The following CDK8 variants were observed in gnomAD, a reference collection of about 807,000 sequenced individuals.
CDK8 encodes cyclin-dependent kinase 8.
A neutral mutation model predicts 71.5 loss-of-function variants in CDK8; 29 were observed. That is an observed-to-expected ratio of 0.41 (90% CI 0.30 to 0.55). The LOEUF (loss-of-function observed/expected upper bound fraction) is 0.55. Among genes scored for constraint, CDK8 ranks in the 20% least tolerant of loss-of-function variants. CDK8 has a pLI of 0.37. For missense variants in CDK8, 288 were observed against 572.6 expected, an observed-to-expected ratio of 0.50 and a Z score of 5.07; for synonymous variants, 161 against 192.1, an observed-to-expected ratio of 0.84 and a Z score of 1.34.
At chr13:26,392,862 G>A (rs1390187193) in intron 6 of CDK8, among the ~76,000 whole-genome samples, 4 of 152,052 alleles carry the variant, frequency 2.6e-5, no homozygotes, top group African/African-American at 9.7e-5. Flanking sequence ...ATTAGACCTT[G>A]CAAATTAGCA....
At chr13:26,390,410 G>A (rs117925346) in intron 6 of CDK8, among the ~76,000 whole-genome samples, 1,946 of 152,294 alleles carry the variant, frequency 0.013, 20 homozygotes, top group Non-Finnish European at 0.02. Flanking sequence ...GGTTTATTCC[G>A]TTGTGCAGAA....
intron 1 of CDK8, among the ~76,000 whole-genome samples, chr13:26,273,310 G>A (rs1185364711): frequency 1.3e-5 from 2 of 152,134 alleles, no homozygotes; most frequent in Non-Finnish European, 2.9e-5. Flanking sequence ...TTGAAACTTG[G>A]AAGTGTACTT....
chr13:26,292,469 TAAG>T (rs1873348136), intron 1 of CDK8, among the ~76,000 whole-genome samples: 1 of 152,192 alleles, frequency 6.6e-6, no homozygotes, highest in Admixed American at 6.5e-5. Flanking sequence ...TTCCAACTAA[TAAG>T]AAGGGAGAGA....
At chr13:26,375,441 A>G (rs945796850) in intron 4 of CDK8, among the ~76,000 whole-genome samples, 2 of 152,250 alleles carry the variant, frequency 1.3e-5, no homozygotes, top group African/African-American at 2.4e-5. Context: ...CTCTTAAGAT[A>G]CAGACACCCT....
In CDK8 at chr13:26,401,603, TATC is replaced by T. The variant is rs752087920; in HGVS notation, c.1251_1253del (p.Ile417del). ...CTCCTACCACTACCTCAGGTGGACTTATCATGACCTCAGACTATCAGGTATTCC... is the reference window on the plus strand; with the variant it reads ...CTCCTACCACTACCTCAGGTGGACTTATGACCTCAGACTATCAGGTATTCC... On this transcript the variant is annotated inframe_deletion, in exon 12 of 13. Transcript: ENST00000381527. The surrounding 1 kb of genome is among the most constrained non-coding windows in gnomAD (Gnocchi z 4.5). The T allele has an allele frequency of 2.2e-5, 35 of 1,614,200 alleles. 1 individual carries two copies. In the East Asian group the frequency reaches 4.5e-4, roughly 21 times the overall value.
At chr13:26,332,725 C>T (rs570599651) in intron 1 of CDK8, among the ~76,000 whole-genome samples, 40 of 152,010 alleles carry the variant, frequency 2.6e-4, no homozygotes, top group Non-Finnish European at 2.4e-4. Context: ...TTATATATGG[C>T]CTGTATTACT....
chr13:26,339,553 T>A (rs1329429607), intron 2 of CDK8, among the ~76,000 whole-genome samples: 1 of 151,406 alleles, frequency 6.6e-6, no homozygotes, highest in East Asian at 1.9e-4. Context: ...GTATTTTAGG[T>A]TCTTTAGCAT....
chr13:26,317,764 A>G (rs780833803), intron 1 of CDK8, among the ~76,000 whole-genome samples: 2 of 152,204 alleles, frequency 1.3e-5, no homozygotes, highest in East Asian at 1.9e-4. Context: ...AAAACATAAC[A>G]TACCAAAACT....
At chr13:26,360,357 T>G (rs951675185) in intron 4 of CDK8, among the ~76,000 whole-genome samples, 3 of 152,184 alleles carry the variant, frequency 2.0e-5, no homozygotes, top group Non-Finnish European at 4.4e-5. Context: ...AAGACTGATA[T>G]GTAGTCCAGC....
chr13:26,254,677 G>C lies in CDK8; in HGVS notation c.36G>C (p.Glu12Asp), dbSNP rs1456620345. ...ACTTTAAAGTGAAGCTGAGCAGCGA[G>C]CGGGAGCGGGTCGAGGACCTGTTTG... ...DYDFKVKLSS[E>D]RERVEDLFEY... Residue 12 changes from glutamate to aspartate, a missense_variant, in exon 1 of 13, where the codon GAG becomes GAC. Transcript: ENST00000381527. This position sits in a 1 kb window ranked among gnomAD's most constrained non-coding sequence, Gnocchi z 6.7. The C allele has an allele frequency of 4.9e-5, 79 of 1,612,522 alleles. No individual in the cohort carries two copies. The highest frequency in any genetic ancestry group is 6.4e-5 in the Non-Finnish European group (75 of 1,179,320).
At chr13:26,353,973 C>A in intron 4 of CDK8, 93 bp downstream of exon 4, 1 of 1,075,464 alleles carries the variant, frequency 9.3e-7, no homozygotes, top group South Asian at 1.3e-5. Context: ...ATATGTAGGC[C>A]TGCAAACCTT....
At chr13:26,396,557 T>A (rs1323560467) in intron 8 of CDK8, among the ~76,000 whole-genome samples, 1 of 152,180 alleles carries the variant, frequency 6.6e-6, no homozygotes, top group African/African-American at 2.4e-5. Flanking sequence ...AAGTGACTAA[T>A]ATTAGCAGCT....
At chr13:26,361,834 T>G (rs1043691217) in intron 4 of CDK8, among the ~76,000 whole-genome samples, 1 of 133,944 alleles carries the variant, frequency 7.5e-6, no homozygotes, top group Non-Finnish European at 1.5e-5. Flanking sequence ...GTCACTGTGT[T>G]GCCCAGGCTA....
chr13:26,374,041 A>T (rs1415898599), intron 4 of CDK8, among the ~76,000 whole-genome samples: 1 of 146,522 alleles, frequency 6.8e-6, no homozygotes, highest in African/African-American at 2.5e-5. Context: ...AAAAAAACAA[A>T]AAACAAAAAA....
At chr13:26,399,828 G>A (rs1876171681) in intron 9 of CDK8, among the ~76,000 whole-genome samples, 1 of 152,208 alleles carries the variant, frequency 6.6e-6, no homozygotes, top group Non-Finnish European at 1.5e-5. Flanking sequence ...AATAAATGTT[G>A]AGTCAGGATT....
chr13:26,263,963 G>A (rs1249273778), intron 1 of CDK8, among the ~76,000 whole-genome samples: 1 of 151,462 alleles, frequency 6.6e-6, no homozygotes, highest in African/African-American at 2.4e-5. Flanking sequence ...TAGCCAGGAT[G>A]GTCTTGATCT....
At chr13:26,379,739 C>T (rs142861728) in intron 4 of CDK8, among the ~76,000 whole-genome samples, 99 of 152,228 alleles carry the variant, frequency 6.5e-4, no homozygotes, top group Non-Finnish European at 1.0e-3. Flanking sequence ...TTGAACACTC[C>T]GGTGTTAGAA....
chr13:26,401,308 A>G lies in CDK8; in HGVS notation c.1071A>G (p.Glu357=). Residue 357 remains glutamate, a synonymous_variant, in exon 11 of 13, where the codon GAA becomes GAG. Coordinates refer to ENST00000381527, the MANE Select transcript of CDK8 (RefSeq NM_001260.3). The surrounding 1 kb of genome is among the most constrained non-coding windows in gnomAD (Gnocchi z 4.5). ...AGCQIPYPKR[E]FLTEEEPDDK... ...GTCAAATCCCTTACCCAAAACGAGAATTTTTAACGGAAGAAGAACCTGATG... is the reference window on the plus strand; with the variant it reads ...GTCAAATCCCTTACCCAAAACGAGAGTTTTTAACGGAAGAAGAACCTGATG... 1 of 1,614,170 alleles carries G rather than the reference A, an allele frequency of 6.2e-7. No individual in the cohort carries two copies. Among genetic ancestry groups the G allele is most frequent in the Non-Finnish European group, 8.5e-7 (1 of 1,180,004 alleles).
intron 1 of CDK8, among the ~76,000 whole-genome samples, chr13:26,311,460 C>G (rs190129210): frequency 1.3e-5 from 2 of 152,298 alleles, no homozygotes; most frequent in Non-Finnish European, 2.9e-5. Flanking sequence ...TAAGGAGATT[C>G]TAATATCTCA....
Sources: gnomAD v4.1 joint callset for allele counts (sites outside exome capture counted in the v4.1 genomes callset) on GRCh38, gnomAD v4.1.1 for gene constraint, Gnocchi (gnomAD v3.1) non-coding constraint, MANE v1.5 for transcripts, NCBI Gene and HGNC (gene_info 2026-07-23, HGNC 2026-07-21) for gene names.